The following AFF1 variants were observed in gnomAD, a reference collection of about 807,000 sequenced individuals.
AFF1 encodes the protein ALF transcription elongation factor 1, also known as AF4/FMR2 family member 1.
AFF1 carries 48 observed loss-of-function variants against 121.7 expected under a neutral mutation model. That is an observed-to-expected ratio of 0.39 (90% confidence interval 0.31 to 0.50). AFF1 has a LOEUF of 0.50. Among genes scored for constraint, AFF1 ranks in the 20% least tolerant of loss-of-function variants. AFF1 has a pLI of 0.76. For missense variants in AFF1, 1,523 were observed against 1,511.7 expected, an observed-to-expected ratio of 1.01 and a Z score of -0.12; for synonymous variants, 613 against 563.0, an observed-to-expected ratio of 1.09 and a Z score of -1.26.
intron 2 of AFF1, among the ~76,000 whole-genome samples, chr4:87,013,029 G>GTTTTT (rs1560539145): frequency 1.2e-5 from 1 of 84,316 alleles, no homozygotes; most frequent in African/African-American, 6.3e-5. Flanking sequence ...CTGCTATCAA[G>GTTTTT]TTCTTTTTTT....
chr4:86,984,331 CT>C (rs1350597456), intron 2 of AFF1, among the ~76,000 whole-genome samples: 624 of 126,096 alleles, frequency 4.9e-3, no homozygotes, highest in Middle Eastern at 0.012. Flanking sequence ...ATTTTTTTTT[CT>C]TTTTTTTTTT....
intron 2 of AFF1, among the ~76,000 whole-genome samples, chr4:87,023,235 T>G (rs1173812282): frequency 1.3e-5 from 2 of 152,188 alleles, no homozygotes; most frequent in African/African-American, 4.8e-5. Context: ...CTTTTCAATG[T>G]TATCTTAAAA....
At chr4:87,000,642 G>GTGTGTGTGTGT (rs1725630050) in intron 2 of AFF1, among the ~76,000 whole-genome samples, 1 of 66,352 alleles carries the variant, frequency 1.5e-5, no homozygotes, top group Admixed American at 1.3e-4. Context: ...TGTGTGTGTG[G>GTGTGTGTGTGT]CAGAGGAAGT....
In AFF1 at chr4:87,126,069, C is replaced by T. The variant is rs935598252; in HGVS notation, c.2574-30C>T. The T allele has an allele frequency of 1.1e-5, 17 of 1,605,764 alleles. No individual in the cohort carries two copies. The Admixed American group carries it at 2.7e-4, about 25-fold the overall frequency. ...AGCCGCTTGATGTGTACTTTGCCTC[C>T]TCTTAGTTTTACGTGATGTTTCACT... On this transcript the variant is annotated intron_variant, in intron 13 of 20. Coordinates refer to ENST00000395146, the MANE Select transcript of AFF1 (RefSeq NM_001166693.3).
At chr4:87,121,342 C>G (rs1259261449) in intron 12 of AFF1, among the ~76,000 whole-genome samples, 1 of 152,036 alleles carries the variant, frequency 6.6e-6, no homozygotes, top group Non-Finnish European at 1.5e-5. Context: ...AGGTCTTGTT[C>G]TTGGAATTTT....
chr4:87,111,012 A>ATTTTATTTTATTTTT (rs1344382644), intron 11 of AFF1, among the ~76,000 whole-genome samples: 1 of 29,278 alleles, frequency 3.4e-5, no homozygotes, highest in African/African-American at 8.9e-5. Context: ...TTTTTTTTTT[A>ATTTTATTTTATTTTT]TTTTTTTTTT....
chr4:86,966,244 A>T (rs140500453), intron 2 of AFF1, among the ~76,000 whole-genome samples: 1 of 152,010 alleles, frequency 6.6e-6, no homozygotes, highest in Non-Finnish European at 1.5e-5. Flanking sequence ...GTGCAGAGTG[A>T]TATATATTGA....
At chr4:87,010,103 A>G (rs1273686918) in intron 2 of AFF1, among the ~76,000 whole-genome samples, 1 of 152,204 alleles carries the variant, frequency 6.6e-6, no homozygotes, top group Non-Finnish European at 1.5e-5. Flanking sequence ...TCTCCCCTAC[A>G]TAAGCTAGAA....
intron 2 of AFF1, among the ~76,000 whole-genome samples, chr4:86,950,300 T>C (rs1721217320): frequency 6.6e-6 from 1 of 152,166 alleles, no homozygotes; most frequent in African/African-American, 2.4e-5. Context: ...TGCCTCAGCC[T>C]CCCAATTAGC....
chr4:87,068,263 C>CCA (rs1721592290), intron 4 of AFF1, among the ~76,000 whole-genome samples: 1 of 145,096 alleles, frequency 6.9e-6, no homozygotes, highest in Admixed American at 6.9e-5. Context: ...AATTGCCCCC[C>CCA]CCCCACTCCA....
rs373137373 is a variant in AFF1 at position 87,045,543 on chromosome 4, G to A, written c.39-623G>A. Among the ~76,000 whole-genome samples, 36 of 151,806 alleles carry A rather than the reference G, an allele frequency of 2.4e-4. 1 individual carries two copies. Among genetic ancestry groups the A allele is most frequent in the African/African-American group, 7.8e-4 (32 of 41,286 alleles). On this transcript the variant is annotated intron_variant, in intron 2 of 20. Coordinates refer to ENST00000395146, the MANE Select transcript of AFF1 (RefSeq NM_001166693.3). ...GTCAGATTATAAAGCGTTCTCCGTC[G>A]GTAGAGCTGACATCTATAATTGGAT... is the stretch of plus-strand genomic sequence containing the variant.
intron 17 of AFF1, among the ~76,000 whole-genome samples, chr4:87,131,569 A>G (rs1020668632): frequency 6.6e-6 from 1 of 152,190 alleles, no homozygotes; most frequent in African/African-American, 2.4e-5. Flanking sequence ...ACACAACTTC[A>G]CTTGGTTTCA....
At chr4:87,058,570 C>T (rs1720398842) in intron 4 of AFF1, among the ~76,000 whole-genome samples, 1 of 152,086 alleles carries the variant, frequency 6.6e-6, no homozygotes, top group Non-Finnish European at 1.5e-5. Flanking sequence ...TTTAATCTCA[C>T]AGAAGGAGGT....
At chr4:87,060,852 A>AAAAAAC (rs1720696725) in intron 4 of AFF1, among the ~76,000 whole-genome samples, 1 of 48,770 alleles carries the variant, frequency 2.1e-5, no homozygotes, top group Non-Finnish European at 3.9e-5. Context: ...AAAAAAAAAA[A>AAAAAAC]AAAAAAAAAA....
At chr4:87,125,871 A>G (rs894538648) in intron 13 of AFF1, among the ~76,000 whole-genome samples, 3 of 152,190 alleles carry the variant, frequency 2.0e-5, no homozygotes, top group Non-Finnish European at 4.4e-5. Context: ...AGTCAGGACC[A>G]CTGGCAGACT....
intron 4 of AFF1, among the ~76,000 whole-genome samples, chr4:87,063,257 G>A (rs867191434): frequency 4.7e-4 from 3 of 6,380 alleles, no homozygotes; most frequent in African/African-American, 1.4e-3. Flanking sequence ...TTTTTTTTTT[G>A]AGACAGAGTT....
chr4:86,976,338 C>T (rs913635868), intron 2 of AFF1, among the ~76,000 whole-genome samples: 7 of 152,080 alleles, frequency 4.6e-5, no homozygotes, highest in Non-Finnish European at 8.8e-5. Flanking sequence ...TGTAGAAAGG[C>T]GCTCCGCATT....
chr4:86,985,878 A>G (rs1379767777), intron 2 of AFF1, among the ~76,000 whole-genome samples: 2 of 151,700 alleles, frequency 1.3e-5, no homozygotes, highest in East Asian at 3.9e-4. Context: ...AAACTAATAA[A>G]AAGTGATAAC....
At position 87,128,699 on chromosome 4, in the gene AFF1, C is replaced by G. The variant is rs545593114; in HGVS notation, c.2964+996C>G. 4.6e-5 allele frequency among the ~76,000 whole-genome samples: 7 copies of G among 152,348 alleles called. No individual in the cohort carries two copies. The South Asian group carries it at 1.5e-3, about 32-fold the overall frequency. On this transcript the variant is annotated intron_variant, in intron 16 of 20. Coordinates refer to ENST00000395146, the MANE Select transcript of AFF1 (RefSeq NM_001166693.3). ...GCAGACCTGTATCTCTTCTCAGACT[C>G]TTTCATCAGATACCCTTGCATTAGG...
Sources: allele counts gnomAD v4.1 joint callset (sites outside exome capture counted in the v4.1 genomes callset), GRCh38; gene constraint gnomAD v4.1.1; transcripts MANE v1.5; gene names NCBI Gene and HGNC (gene_info 2026-07-23, HGNC 2026-07-21).